Variants in CLUL1 observed in about 807,000 individuals in gnomAD.
CLUL1 encodes the protein clusterin like 1, also known as clusterin-like protein 1.
Under a neutral mutation model 49.4 loss-of-function variants are expected in CLUL1, and 43 were observed. The observed-to-expected ratio is 0.87, with a 90% confidence interval of 0.68 to 1.12. The LOEUF is 1.12. Among genes scored for constraint, CLUL1 ranks in the 50% most tolerant of loss-of-function variants. The probability of loss-of-function intolerance (pLI) is 0.00; values close to 1 mark genes in which losing one functional copy is unlikely to be tolerated. For missense variants in CLUL1, 486 were observed against 544.4 expected, an observed-to-expected ratio of 0.89 and a Z score of 1.07; for synonymous variants, 192 against 184.9, an observed-to-expected ratio of 1.04 and a Z score of -0.31.
At position 622,034 on chromosome 18, in the gene CLUL1, G is replaced by GA. The variant is rs796843014; in HGVS notation, c.255+2683dup. ...AGGCACTCAATTAGAAAGTTAATCG[G>GA]AAAAAAAAAATCTGTTTAACCCTGA... On this transcript the variant is annotated intron_variant, in intron 4 of 9. Coordinates refer to ENST00000692774, the MANE Select transcript of CLUL1 (RefSeq NM_001393344.1). Among the ~76,000 whole-genome samples the GA allele has an allele frequency of 6.3e-3, 937 of 149,814 alleles. 7 individuals carry two copies. The highest frequency in any genetic ancestry group is 0.02 in the African/African-American group (834 of 40,874).
At chr18:611,836 G>A (rs1278817347) in intron 2 of CLUL1, among the ~76,000 whole-genome samples, 2 of 152,156 alleles carry the variant, frequency 1.3e-5, no homozygotes, top group African/African-American at 4.8e-5. Context: ...TTGGTAGTGA[G>A]AGTTAGACCC....
chr18:617,362 A>AG (rs941601874), intron 2 of CLUL1, among the ~76,000 whole-genome samples: 42 of 152,222 alleles, frequency 2.8e-4, no homozygotes, highest in African/African-American at 3.4e-4. Context: ...TGGGAGGCCG[A>AG]GGGGGGCGGA....
chr18:598,565 G>A (rs2072725839), intron 1 of CLUL1: 2 of 398,554 alleles, frequency 5.0e-6, no homozygotes, highest in Non-Finnish European at 8.8e-6. Flanking sequence ...TACCTCTCTT[G>A]GATAATTTAC....
chr18:626,703 C>G (rs1396494071), intron 5 of CLUL1, among the ~76,000 whole-genome samples: 1 of 148,736 alleles, frequency 6.7e-6, no homozygotes, highest in Non-Finnish European at 1.5e-5. Context: ...TACTAAAATA[C>G]AAAAAAAATT....
At chr18:633,479 A>G in intron 7 of CLUL1, 44 bp downstream of exon 7, 1 of 1,547,176 alleles carries the variant, frequency 6.5e-7, no homozygotes, top group Non-Finnish European at 8.9e-7. Flanking sequence ...TTAAGTTCTC[A>G]GGTACATTTT....
intron 1 of CLUL1, among the ~76,000 whole-genome samples, chr18:600,175 C>G (rs753423519): frequency 6.6e-6 from 1 of 151,028 alleles, no homozygotes; most frequent in African/African-American, 2.4e-5. Context: ...CCTTTCCTAC[C>G]AAGATTCGAA....
Position 650,018 on chromosome 18 carries a change from T to G in CLUL1, c.*117T>G. ...CACAGTTGCAGGAAAGTATGTTAGC[T>G]ATATACTATGAAGTACTCTTAGTTT... On this transcript the variant is annotated 3_prime_UTR_variant, in exon 10 of 10. Coordinates refer to ENST00000692774, the MANE Select transcript of CLUL1 (RefSeq NM_001393344.1). The G allele has an allele frequency of 1.4e-6, 1 of 711,928 alleles. No individual in the cohort carries two copies. Among genetic ancestry groups the G allele is most frequent in the Non-Finnish European group, 2.4e-6 (1 of 416,306 alleles). The allele number at this position is 711,928 out of a possible 1,614,324, so 44.1% of individuals were successfully genotyped here.
chr18:639,142 TAC>T (rs146639299), intron 7 of CLUL1, among the ~76,000 whole-genome samples: 21,039 of 152,046 alleles, frequency 0.14, 2,150 homozygotes, highest in African/African-American at 0.29. Context: ...ACATGCTTCA[TAC>T]AGCCGGGTGT....
chr18:631,369 G>A (rs948469255), intron 6 of CLUL1, among the ~76,000 whole-genome samples: 18 of 118,030 alleles, frequency 1.5e-4, no homozygotes, highest in Admixed American at 1.6e-4. Flanking sequence ...AGCTTGACCC[G>A]TGCGGGGGCC....
chr18:622,693 G>C (rs568207422), intron 4 of CLUL1, among the ~76,000 whole-genome samples: 338 of 152,084 alleles, frequency 2.2e-3, no homozygotes, highest in Non-Finnish European at 3.2e-3. Flanking sequence ...GTGAATGGAA[G>C]GAAGCCTGAG....
rs993023743 is a variant in CLUL1, at chr18:625,122, G to A, written c.423+90G>A. On this transcript the variant is annotated intron_variant, in intron 5 of 9. Coordinates refer to ENST00000692774, the MANE Select transcript of CLUL1 (RefSeq NM_001393344.1). ...ATTAATTTATGTTAATATTTAGAACGGAGATGCCTGATCTGATAGGGGCCT... is the reference window on the plus strand; with the variant it reads ...ATTAATTTATGTTAATATTTAGAACAGAGATGCCTGATCTGATAGGGGCCT... 50 of 1,301,346 alleles carry A rather than the reference G, an allele frequency of 3.8e-5. No homozygotes were observed. In the Admixed American group the frequency reaches 4.5e-4, roughly 12 times the overall value. The allele number at this position is 1,301,346 out of a possible 1,614,324, so 80.6% of individuals were successfully genotyped here.
chr18:640,343 G>A (rs1277507944), intron 7 of CLUL1, among the ~76,000 whole-genome samples: 3 of 151,928 alleles, frequency 2.0e-5, no homozygotes, highest in East Asian at 1.9e-4. Flanking sequence ...CCAGGAGTTC[G>A]AGGCTGTAGT....
intron 2 of CLUL1, among the ~76,000 whole-genome samples, chr18:611,320 G>A (rs908934172): frequency 2.0e-5 from 3 of 150,566 alleles, no homozygotes; most frequent in African/African-American, 7.4e-5. Flanking sequence ...CTCTTTCTGT[G>A]GCAGATTGGG....
chr18:628,639 C>CTTTTTTTT (rs577855173), intron 6 of CLUL1, among the ~76,000 whole-genome samples: 1 of 137,588 alleles, frequency 7.3e-6, no homozygotes, highest in Non-Finnish European at 1.6e-5. Flanking sequence ...TTTCTTTTTT[C>CTTTTTTTT]TTTTTTTTTT....
chr18:623,876 C>T (rs888559455), intron 4 of CLUL1, among the ~76,000 whole-genome samples: 1 of 152,102 alleles, frequency 6.6e-6, no homozygotes, highest in Non-Finnish European at 1.5e-5. Flanking sequence ...TTGTCAGTGC[C>T]CAGGTGATTC....
At chr18:620,414 G>A (rs2073454409) in intron 4 of CLUL1, among the ~76,000 whole-genome samples, 1 of 151,452 alleles carries the variant, frequency 6.6e-6, no homozygotes, top group Admixed American at 6.6e-5. Flanking sequence ...ATTTAGTGAA[G>A]GTTACTTTAG....
At chr18:599,345 A>G (rs1598405374) in intron 1 of CLUL1, among the ~76,000 whole-genome samples, 1 of 152,318 alleles carries the variant, frequency 6.6e-6, no homozygotes. Context: ...TTATTTATCT[A>G]TGAAACAGGA....
chr18:609,471 C>T (rs750192136), intron 2 of CLUL1, among the ~76,000 whole-genome samples: 1 of 152,096 alleles, frequency 6.6e-6, no homozygotes, highest in Admixed American at 6.6e-5. Flanking sequence ...TGCATTTTGA[C>T]TGTGACCCCA....
chr18:616,812 T>C (rs183462864), intron 2 of CLUL1: 69 of 337,114 alleles, frequency 2.0e-4, no homozygotes, highest in African/African-American at 1.4e-3. Flanking sequence ...AGAGTAATGA[T>C]AGAAGAAGAG....
Sources: allele counts gnomAD v4.1 joint callset (sites outside exome capture counted in the v4.1 genomes callset), GRCh38; gene constraint gnomAD v4.1.1; transcripts MANE v1.5; gene names NCBI Gene and HGNC (gene_info 2026-07-23, HGNC 2026-07-21).